The following ELF2 variants were observed in gnomAD, a reference collection of about 807,000 sequenced individuals.
ELF2 encodes the protein ETS-related transcription factor Elf-2.
A neutral mutation model predicts 54.8 loss-of-function variants in ELF2; 11 were observed. The observed-to-expected ratio is 0.20, with a 90% CI of 0.13 to 0.33. The LOEUF is 0.33. ELF2 is among the 10% of genes least tolerant of loss of function. The pLI is 1.00. For synonymous variants in ELF2, 203 were observed against 245.1 expected (o/e 0.83, Z 1.61); for missense variants, 513 against 703.0 (o/e 0.73, Z 3.06).
At chr4:139,067,380 C>T (rs1056083404) in intron 7 of ELF2, 3 of 287,536 alleles carry the variant, frequency 1.0e-5, no homozygotes, top group African/African-American at 6.4e-5. Flanking sequence ...AGGATGGGTG[C>T]TATTATCCTG....
At chr4:139,135,235 ATATGTGTG>A (rs202174875) in intron 3 of ELF2, among the ~76,000 whole-genome samples, 22,250 of 131,860 alleles carry the variant, frequency 0.17, 2,019 homozygotes, top group Middle Eastern at 0.31. Context: ...ACTACTATAT[ATATGTGTG>A]TGTGTGTGTG....
At chr4:139,171,004 C>G (rs1742254374) in intron 1 of ELF2, among the ~76,000 whole-genome samples, 1 of 152,008 alleles carries the variant, frequency 6.6e-6, no homozygotes, top group African/African-American at 2.4e-5. Flanking sequence ...CCTCAGCCTC[C>G]CAAAGTGCTG....
intron 4 of ELF2, among the ~76,000 whole-genome samples, chr4:139,114,065 C>G (rs891165852): frequency 2.6e-5 from 4 of 151,966 alleles, no homozygotes; most frequent in Non-Finnish European, 5.9e-5. Context: ...AAAGCAGAAG[C>G]TTCATTTCAT....
At chr4:139,078,502 A>C (rs2148714187) in intron 4 of ELF2, among the ~76,000 whole-genome samples, 1 of 151,938 alleles carries the variant, frequency 6.6e-6, no homozygotes, top group Non-Finnish European at 1.5e-5. Flanking sequence ...CTCCATCTTC[A>C]CCTTTTCCCC....
intron 1 of ELF2, among the ~76,000 whole-genome samples, chr4:139,143,142 G>A (rs952494281): frequency 6.6e-6 from 1 of 152,138 alleles, no homozygotes; most frequent in Non-Finnish European, 1.5e-5. Flanking sequence ...ATAAACTGTG[G>A]TTAATTTCGG....
chr4:139,058,065 T>G lies in ELF2; in HGVS notation c.*918A>C, dbSNP rs1398773686. The G allele has an allele frequency of 6.6e-6, 1 of 152,278 alleles. No homozygotes were observed. The highest frequency in any genetic ancestry group is 1.5e-5 in the Non-Finnish European group (1 of 67,974). 9.4% of individuals were successfully genotyped at this position (152,278 alleles called of 1,614,324 possible). On this transcript the variant is annotated 3_prime_UTR_variant, in exon 10 of 10. Transcript: ENST00000686138. ...GGTATTAGAGCTACCTGCCAAAAAT[T>G]CATGCTGAGCCTGAACTTCCAAGTG...
At position 139,137,302 on chromosome 4, in the gene ELF2, A is replaced by C. The variant is rs1030846680; in HGVS notation, c.72+328T>G. ...ATGAATCTAATTTAGGTATTTGGGC[A>C]TAGTATATACCTACAGTATAATCCA... On this transcript the variant is annotated intron_variant, in intron 3 of 9. Coordinates refer to ENST00000686138, the MANE Select transcript of ELF2 (RefSeq NM_001331036.3). The C allele has an allele frequency of 2.4e-5, 6 of 251,680 alleles. No individual in the cohort carries two copies. In the Admixed American group the frequency reaches 3.2e-4, roughly 13 times the overall value. 15.6% of individuals were successfully genotyped at this position (251,680 alleles called of 1,614,324 possible). A position where few individuals can be genotyped will look rare whatever the true frequency, so the allele number is the denominator to read the frequency against.
intron 3 of ELF2, among the ~76,000 whole-genome samples, chr4:139,132,293 C>T (rs750223173): frequency 7.2e-5 from 11 of 152,094 alleles, no homozygotes; most frequent in Non-Finnish European, 1.5e-4. Context: ...GAAGAATATG[C>T]CTCACCAGAT....
chr4:139,073,870 C>A (rs369693085), intron 4 of ELF2, among the ~76,000 whole-genome samples: 23 of 152,204 alleles, frequency 1.5e-4, no homozygotes, highest in South Asian at 8.3e-4. Context: ...GTGGTTCATG[C>A]CTGTAATCCC....
intron 4 of ELF2, chr4:139,115,186 T>C (rs1735520271): frequency 6.2e-6 from 10 of 1,611,980 alleles, no homozygotes; most frequent in Non-Finnish European, 8.5e-6. Context: ...CCGTAGCTCC[T>C]TGCGGTCATA....
intron 4 of ELF2, among the ~76,000 whole-genome samples, chr4:139,116,066 A>C (rs1240338014): frequency 6.6e-6 from 1 of 151,546 alleles, no homozygotes; most frequent in Non-Finnish European, 1.5e-5. Context: ...CTGGTCTTGG[A>C]CTCCTGACCT....
At chr4:139,171,179 G>A (rs927377216) in intron 1 of ELF2, among the ~76,000 whole-genome samples, 2 of 152,266 alleles carry the variant, frequency 1.3e-5, no homozygotes, top group East Asian at 1.9e-4. Context: ...CTTGAGCCCA[G>A]GGGTTCAAGA....
At chr4:139,154,248 T>A (rs1452965190) in intron 1 of ELF2, among the ~76,000 whole-genome samples, 3 of 152,198 alleles carry the variant, frequency 2.0e-5, no homozygotes, top group Non-Finnish European at 2.9e-5. Flanking sequence ...TAATGCTGAG[T>A]AATTACCTGA....
chr4:139,077,404 G>A (rs567592039), intron 4 of ELF2, among the ~76,000 whole-genome samples: 2 of 152,124 alleles, frequency 1.3e-5, no homozygotes, highest in East Asian at 1.9e-4. Flanking sequence ...AGCATGTTAA[G>A]AGGAACACTG....
intron 1 of ELF2, among the ~76,000 whole-genome samples, chr4:139,162,071 G>A (rs933205348): frequency 5.3e-5 from 8 of 152,162 alleles, no homozygotes; most frequent in Admixed American, 5.2e-4. Context: ...TCTAGCTGGG[G>A]CGACAGAGCG....
In ELF2 at chr4:139,116,730, T is replaced by C. The variant is rs1735758208; in HGVS notation, c.238+8434A>G. ...GGGCTCGTTTTCAGATCCCCAGTTTTTCATGTCGATCTTCTACCTCCCTGT... is the reference window on the plus strand; with the variant it reads ...GGGCTCGTTTTCAGATCCCCAGTTTCTCATGTCGATCTTCTACCTCCCTGT... On this transcript the variant is annotated intron_variant, in intron 4 of 9. Coordinates refer to ENST00000686138, the MANE Select transcript of ELF2 (RefSeq NM_001331036.3). 3.0e-6 allele frequency: 3 copies of C among 985,312 alleles called. No homozygotes were observed. The African/African-American group carries it at 5.2e-5, about 17-fold the overall frequency. The allele number at this position is 985,312 out of a possible 1,614,324, so 61.0% of individuals were successfully genotyped here.
intron 6 of ELF2, among the ~76,000 whole-genome samples, chr4:139,069,150 C>T (rs900731328): frequency 5.3e-5 from 8 of 151,942 alleles, no homozygotes; most frequent in Non-Finnish European, 1.0e-4. Context: ...ATTACAGACA[C>T]GAGCCACAGC....
chr4:139,150,367 CAA>C (rs1309358254), intron 1 of ELF2, among the ~76,000 whole-genome samples: 3 of 134,416 alleles, frequency 2.2e-5, no homozygotes, highest in Non-Finnish European at 1.6e-5. Context: ...AACTGCATCT[CAA>C]AAAAAAAAAA....
chr4:139,080,436 G>GAAAATCTCA (rs1284834011), intron 4 of ELF2, among the ~76,000 whole-genome samples: 1 of 151,604 alleles, frequency 6.6e-6, no homozygotes, highest in Non-Finnish European at 1.5e-5. Flanking sequence ...CCAATTTATA[G>GAAAATCTCA]TAAATCAGAA....
Sources: allele counts gnomAD v4.1 joint callset (sites outside exome capture counted in the v4.1 genomes callset), GRCh38; gene constraint gnomAD v4.1.1; transcripts MANE v1.5; gene names NCBI Gene and HGNC (gene_info 2026-07-23, HGNC 2026-07-21).